The following NCK2 variants were observed in gnomAD, a reference collection of about 807,000 sequenced individuals.
NCK2 encodes cytoplasmic protein NCK2.
In NCK2, 16 loss-of-function variants were observed where a neutral mutation model predicts 33.9. The observed-to-expected ratio is 0.47, with a 90% CI of 0.32 to 0.72. The LOEUF (loss-of-function observed/expected upper bound fraction) is 0.72. Among genes scored for constraint, NCK2 ranks in the 30% least tolerant of loss-of-function variants. The pLI is 0.03. For missense variants in NCK2, 418 were observed against 537.3 expected (o/e 0.78, Z 2.19); for synonymous variants, 273 against 239.9 (o/e 1.14, Z -1.27).
intron 1 of NCK2, among the ~76,000 whole-genome samples, chr2:105,797,481 G>C (rs939098166): frequency 6.6e-6 from 1 of 152,192 alleles, no homozygotes; most frequent in African/African-American, 2.4e-5. Flanking sequence ...AGGCTGCCAG[G>C]CTGTGCGGGC....
intron 2 of NCK2, among the ~76,000 whole-genome samples, chr2:105,823,601 G>A (rs1675830892): frequency 6.6e-6 from 1 of 151,852 alleles, no homozygotes; most frequent in Non-Finnish European, 1.5e-5. Context: ...ATGAATTCTG[G>A]GACCATGTTA....
intron 1 of NCK2, among the ~76,000 whole-genome samples, chr2:105,797,584 G>GTGGAGCC (rs1242401450): frequency 6.6e-6 from 1 of 152,204 alleles, no homozygotes; most frequent in Non-Finnish European, 1.5e-5. Flanking sequence ...GGAATGGAGC[G>GTGGAGCC]TGGAGCCTGG....
chr2:105,774,657 G>C (rs1690245585), intron 1 of NCK2, among the ~76,000 whole-genome samples: 1 of 152,100 alleles, frequency 6.6e-6, no homozygotes, highest in Admixed American at 6.6e-5. Context: ...GTTGGGGCCT[G>C]TCCACTCTGT....
Position 105,855,051 on chromosome 2 carries a change from G to T in NCK2, c.-13G>T, listed in dbSNP as rs1449146295. ...TCTCCAAATGTTTTGCTGGCAGAAG[G>T]ACTCCATGAAAGATGACAGAAGAAG... On this transcript the variant is annotated 5_prime_UTR_variant, in exon 3 of 5. Coordinates refer to ENST00000233154, the MANE Select transcript of NCK2 (RefSeq NM_003581.5). 1.2e-6 allele frequency: 2 copies of T among 1,609,910 alleles called. No homozygotes were observed. Among genetic ancestry groups the T allele is most frequent in the Admixed American group, 3.3e-5 (2 of 59,992 alleles).
At chr2:105,831,978 G>A (rs1354117685) in intron 2 of NCK2, among the ~76,000 whole-genome samples, 1 of 152,040 alleles carries the variant, frequency 6.6e-6, no homozygotes, top group Non-Finnish European at 1.5e-5. Context: ...AGATTGCTTT[G>A]GATGTAATGG....
intron 2 of NCK2, chr2:105,851,743 C>G (rs1273628727): frequency 6.6e-6 from 1 of 152,354 alleles, no homozygotes; most frequent in Non-Finnish European, 1.5e-5. Flanking sequence ...GATTGGCTGG[C>G]CGTCTGGTGT....
rs530722071 is a variant in NCK2 at position 105,776,686 on chromosome 2, C to G, written c.-201+31548C>G. Among the ~76,000 whole-genome samples the G allele has an allele frequency of 1.2e-3, 177 of 152,292 alleles. 1 individual carries two copies. The highest frequency in any genetic ancestry group is 4.0e-3 in the African/African-American group (168 of 41,564). On this transcript the variant is annotated intron_variant, in intron 1 of 4. Transcript: ENST00000233154. The stretch of plus-strand genomic sequence containing the variant: ...CCTTCCTCCTCCAGCCAGCCTCCCT[C>G]GTTTTAGCTCAGCCATCCCAGCAGG...
At chr2:105,797,041 G>A (rs1428751551) in intron 1 of NCK2, among the ~76,000 whole-genome samples, 1 of 152,152 alleles carries the variant, frequency 6.6e-6, no homozygotes, top group Non-Finnish European at 1.5e-5. Flanking sequence ...AGTCATCACA[G>A]TCCCTTTTTT....
At chr2:105,868,770 C>T (rs1052782157) in intron 3 of NCK2, among the ~76,000 whole-genome samples, 3 of 152,192 alleles carry the variant, frequency 2.0e-5, no homozygotes, top group Non-Finnish European at 4.4e-5. Flanking sequence ...TGAAGTTAAT[C>T]GATAGTTTGC....
intron 3 of NCK2, 140 bp from the exon 4 acceptor site, chr2:105,881,188 A>G (rs1279028626): frequency 6.8e-6 from 8 of 1,184,136 alleles, no homozygotes. Flanking sequence ...TTCTCATGGT[A>G]ATTACAGTTT....
At chr2:105,797,722 C>T (rs533117930) in intron 1 of NCK2, among the ~76,000 whole-genome samples, 6 of 152,298 alleles carry the variant, frequency 3.9e-5, no homozygotes, top group East Asian at 1.9e-4. Flanking sequence ...CAAAGTCTTT[C>T]GTAACCATGA....
At chr2:105,756,937 C>T (rs967392907) in intron 1 of NCK2, among the ~76,000 whole-genome samples, 3 of 152,126 alleles carry the variant, frequency 2.0e-5, no homozygotes, top group Non-Finnish European at 4.4e-5. Context: ...TCCCGAGTAG[C>T]TGGGATTACA....
intron 1 of NCK2, among the ~76,000 whole-genome samples, chr2:105,790,877 C>T (rs1427798795): frequency 6.6e-6 from 1 of 152,180 alleles, no homozygotes; most frequent in Admixed American, 6.5e-5. Context: ...CAGCCCGAGG[C>T]AAGGGAGGAG....
intron 3 of NCK2, among the ~76,000 whole-genome samples, chr2:105,862,333 A>G (rs1410530819): frequency 1.3e-5 from 2 of 152,210 alleles, no homozygotes; most frequent in African/African-American, 2.4e-5. Flanking sequence ...GCAAGATTTT[A>G]GTTACATGGT....
intron 1 of NCK2, among the ~76,000 whole-genome samples, chr2:105,805,238 T>C (rs1176234173): frequency 1.3e-5 from 2 of 152,210 alleles, no homozygotes; most frequent in Admixed American, 1.3e-4. Context: ...ATTGGGAAGC[T>C]GAGGTGCAAA....
At chr2:105,891,207 C>T (rs1278327187) in intron 4 of NCK2, among the ~76,000 whole-genome samples, 1 of 152,220 alleles carries the variant, frequency 6.6e-6, no homozygotes, top group Non-Finnish European at 1.5e-5. Context: ...TGCGCACGCT[C>T]ACACACTTAG....
chr2:105,830,120 T>C (rs1676111041), intron 2 of NCK2, among the ~76,000 whole-genome samples: 1 of 152,214 alleles, frequency 6.6e-6, no homozygotes, highest in Non-Finnish European at 1.5e-5. Flanking sequence ...TCCTCTCTTC[T>C]AGTTATTTTA....
chr2:105,886,765 A>C (rs572835528), intron 4 of NCK2, among the ~76,000 whole-genome samples: 1 of 152,346 alleles, frequency 6.6e-6, no homozygotes. Flanking sequence ...TAGGAAATAC[A>C]TTTGGGGATA....
At chr2:105,829,164 A>C (rs973908568) in intron 2 of NCK2, among the ~76,000 whole-genome samples, 3 of 151,872 alleles carry the variant, frequency 2.0e-5, no homozygotes, top group Non-Finnish European at 4.4e-5. Flanking sequence ...GATAGGTACA[A>C]AATACGTAGG....
Sources: gnomAD v4.1 joint callset for allele counts (sites outside exome capture counted in the v4.1 genomes callset) on GRCh38, gnomAD v4.1.1 for gene constraint, MANE v1.5 for transcripts, NCBI Gene and HGNC (gene_info 2026-07-23, HGNC 2026-07-21) for gene names.